SPMIP2: variants seen among roughly 807,000 people sequenced by gnomAD.
SPMIP2 encodes the protein sperm microtubule inner protein 2, also known as protein SPMIP2.
chr4:158,972,049 G>T, the SPMIP2 span, among the ~76,000 whole-genome samples: 1 of 152,150 alleles, frequency 6.6e-6, no homozygotes, highest in Non-Finnish European at 1.5e-5. Flanking sequence ...CTCCTGGACT[G>T]CCATAGTTTG....
the SPMIP2 span, among the ~76,000 whole-genome samples, chr4:159,018,918 A>G: frequency 6.6e-6 from 1 of 152,120 alleles, no homozygotes; most frequent in Non-Finnish European, 1.5e-5. Flanking sequence ...GTGAAACCCC[A>G]TCTGTACTAA....
At chr4:158,943,901 G>C in the SPMIP2 span, among the ~76,000 whole-genome samples, 2 of 123,202 alleles carry the variant, frequency 1.6e-5, no homozygotes, top group East Asian at 5.7e-4. Flanking sequence ...CTGTCGCCAG[G>C]CTGGAGTGCA....
At chr4:158,955,868 A>G in the SPMIP2 span, among the ~76,000 whole-genome samples, 1 of 152,244 alleles carries the variant, frequency 6.6e-6, no homozygotes, top group African/African-American at 2.4e-5. Flanking sequence ...GAAGTCCGGT[A>G]ATTGTGCTCT....
the SPMIP2 span, among the ~76,000 whole-genome samples, chr4:159,015,446 G>A: frequency 6.6e-6 from 1 of 152,100 alleles, no homozygotes; most frequent in African/African-American, 2.4e-5. Context: ...TTATTTTCAG[G>A]TGCAGCAAAC....
the SPMIP2 span, among the ~76,000 whole-genome samples, chr4:159,005,113 C>A: frequency 2.1e-5 from 3 of 145,652 alleles, no homozygotes; most frequent in Non-Finnish European, 4.5e-5. Flanking sequence ...AGCCTGTAAT[C>A]CCAGCTGCTC....
At chr4:159,034,402 G>A in the SPMIP2 span, among the ~76,000 whole-genome samples, 2 of 152,150 alleles carry the variant, frequency 1.3e-5, no homozygotes, top group Non-Finnish European at 2.9e-5. Flanking sequence ...ATAAAAATTC[G>A]ATGAAAAGTA....
chr4:158,975,895 G>A, the SPMIP2 span, among the ~76,000 whole-genome samples: 87 of 152,222 alleles, frequency 5.7e-4, no homozygotes, highest in African/African-American at 1.8e-3. Flanking sequence ...TGGGCAGTAC[G>A]GCCATTTTCA....
the SPMIP2 span, among the ~76,000 whole-genome samples, chr4:158,940,351 C>T: frequency 4.6e-5 from 7 of 152,226 alleles, 1 homozygote; most frequent in South Asian, 1.2e-3. Flanking sequence ...AGTGGGAGTT[C>T]GAAATTCACC....
the SPMIP2 span, among the ~76,000 whole-genome samples, chr4:158,900,734 C>T: frequency 7.2e-5 from 11 of 152,112 alleles, no homozygotes; most frequent in South Asian, 2.1e-4. Context: ...TGTGTTTGCA[C>T]GTGAGATGTG....
chr4:158,905,405 C>T, the SPMIP2 span: 5 of 152,096 alleles, frequency 3.3e-5, no homozygotes, highest in African/African-American at 4.8e-5. Context: ...AAGAGTGTTT[C>T]GGTTGGTAAG....
chr4:158,920,763 G>A, the SPMIP2 span, among the ~76,000 whole-genome samples: 8 of 152,290 alleles, frequency 5.3e-5, no homozygotes, highest in East Asian at 1.5e-3. Context: ...GATCTTTGTT[G>A]GACCCTTATC....
At chr4:158,989,499 A>G in the SPMIP2 span, among the ~76,000 whole-genome samples, 1 of 152,222 alleles carries the variant, frequency 6.6e-6, no homozygotes, top group African/African-American at 2.4e-5. Context: ...GGCTACAGTA[A>G]CCAAAACAGC....
chr4:159,047,277 G>A, the SPMIP2 span, among the ~76,000 whole-genome samples: 1 of 152,060 alleles, frequency 6.6e-6, no homozygotes, highest in Non-Finnish European at 1.5e-5. Context: ...GCTCCAAAAA[G>A]TTACTTAATC....
At chr4:159,032,588 ACT>A in the SPMIP2 span, among the ~76,000 whole-genome samples, 15 of 152,268 alleles carry the variant, frequency 9.9e-5, no homozygotes, top group East Asian at 2.1e-3. Flanking sequence ...GTTAATTAAG[ACT>A]CTTGCACAGT....
At chr4:159,012,862 T>G in the SPMIP2 span, among the ~76,000 whole-genome samples, 3 of 152,152 alleles carry the variant, frequency 2.0e-5, no homozygotes, top group Admixed American at 6.6e-5. Context: ...CATGAGCCAC[T>G]GCACCTGGCC....
chr4:158,924,912 G>A, the SPMIP2 span, among the ~76,000 whole-genome samples: 2 of 152,108 alleles, frequency 1.3e-5, no homozygotes, highest in African/African-American at 4.8e-5. Flanking sequence ...GATTCCACTT[G>A]GTCATGATGT....
At chr4:158,926,582 T>C in the SPMIP2 span, among the ~76,000 whole-genome samples, 2 of 152,202 alleles carry the variant, frequency 1.3e-5, no homozygotes. Context: ...TATGGCCCAA[T>C]ATATGGTCTA....
the SPMIP2 span, among the ~76,000 whole-genome samples, chr4:158,897,749 G>C: frequency 6.6e-6 from 1 of 152,140 alleles, no homozygotes; most frequent in African/African-American, 2.4e-5. Flanking sequence ...CCCTTTATCA[G>C]ATGGGAAGAT....
At chr4:159,015,124 G>C in the SPMIP2 span, among the ~76,000 whole-genome samples, 7 of 152,220 alleles carry the variant, frequency 4.6e-5, no homozygotes, top group Non-Finnish European at 8.8e-5. Flanking sequence ...GATGTTGACT[G>C]ACTCTAAACT....
Sources: gnomAD v4.1 joint callset for allele counts (sites outside exome capture counted in the v4.1 genomes callset) on GRCh38, gnomAD v4.1.1 for gene constraint, MANE v1.5 for transcripts, NCBI Gene and HGNC (gene_info 2026-07-23, HGNC 2026-07-21) for gene names.